The following METTL15 variants were observed in gnomAD, a reference collection of about 807,000 sequenced individuals.
METTL15 encodes the protein methyltransferase 15, mitochondrial 12S rRNA N4-cytidine, also known as 12S rRNA N(4)-cytidine methyltransferase METTL15.
METTL15 carries 34 observed loss-of-function variants against 38.3 expected under a neutral mutation model. That is an observed-to-expected ratio of 0.89 (90% CI 0.68 to 1.18). The LOEUF (loss-of-function observed/expected upper bound fraction) is 1.18. Ranked by LOEUF, METTL15 falls within the 50% of genes most tolerant of loss-of-function variation. The probability of loss-of-function intolerance (pLI) is 0.00; values close to 1 mark genes in which losing one functional copy is unlikely to be tolerated. For synonymous variants in METTL15, 162 were observed against 170.9 expected (o/e 0.95, Z 0.41); for missense variants, 438 against 498.4 (o/e 0.88, Z 1.15).
At chr11:28,211,017 T>A (rs1298070072) in intron 3 of METTL15, 45 bp from the exon 4 acceptor site, 2 of 1,565,452 alleles carry the variant, frequency 1.3e-6, no homozygotes, top group African/African-American at 1.4e-5. Flanking sequence ...CAAGAATAAG[T>A]TTTGTTTATG....
intron 6 of METTL15, among the ~76,000 whole-genome samples, chr11:28,457,357 T>C (rs1228416313): frequency 6.6e-6 from 1 of 152,160 alleles, no homozygotes; most frequent in African/African-American, 2.4e-5. Flanking sequence ...GTTGTTGTTT[T>C]AAAAAAATCC....
intron 4 of METTL15, among the ~76,000 whole-genome samples, chr11:28,353,767 T>C (rs1421731849): frequency 1.3e-5 from 2 of 149,818 alleles, no homozygotes; most frequent in East Asian, 2.0e-4. Flanking sequence ...CTACTAAAAA[T>C]ACAAAAAATT....
chr11:28,225,829 G>C (rs1209416472), intron 4 of METTL15, among the ~76,000 whole-genome samples: 1 of 151,530 alleles, frequency 6.6e-6, no homozygotes, highest in Non-Finnish European at 1.5e-5. Flanking sequence ...ATTATTTGTT[G>C]GTTAGATGTG....
intron 3 of METTL15, among the ~76,000 whole-genome samples, chr11:28,128,410 A>G (rs1852590841): frequency 6.6e-6 from 1 of 152,172 alleles, no homozygotes; most frequent in South Asian, 2.1e-4. Context: ...TGTATGAGAA[A>G]GACATTCGGG....
chr11:28,457,187 A>G (rs1463542185), intron 6 of METTL15, among the ~76,000 whole-genome samples: 1 of 152,248 alleles, frequency 6.6e-6, no homozygotes, highest in African/African-American at 2.4e-5. Flanking sequence ...TAAGCATAGA[A>G]GGAATTCATG....
chr11:28,218,390 A>T (rs907697976), intron 4 of METTL15, among the ~76,000 whole-genome samples: 23 of 152,070 alleles, frequency 1.5e-4, no homozygotes, highest in Non-Finnish European at 3.1e-4. Flanking sequence ...AATGCTTGTG[A>T]TTTTTGTACA....
At chr11:28,114,714 G>C (rs540539219) in intron 3 of METTL15, among the ~76,000 whole-genome samples, 1 of 152,318 alleles carries the variant, frequency 6.6e-6, no homozygotes, top group African/African-American at 2.4e-5. Flanking sequence ...GCCTCCGAAA[G>C]TGTTGGGATT....
At chr11:28,515,384 T>C (rs926686811) in intron 6 of METTL15, among the ~76,000 whole-genome samples, 8 of 152,216 alleles carry the variant, frequency 5.3e-5, no homozygotes, top group Non-Finnish European at 1.2e-4. Flanking sequence ...ATTTTCCTAT[T>C]ATATTCATGT....
intron 6 of METTL15, among the ~76,000 whole-genome samples, chr11:28,468,974 A>G (rs756373518): frequency 6.6e-5 from 10 of 152,202 alleles, no homozygotes; most frequent in Non-Finnish European, 1.2e-4. Flanking sequence ...TGTGCTTTGT[A>G]CACATAATGT....
chr11:28,445,485 TATTA>T (rs1166951679), intron 6 of METTL15, among the ~76,000 whole-genome samples: 7 of 152,140 alleles, frequency 4.6e-5, no homozygotes, highest in African/African-American at 1.4e-4. Context: ...ATTTTAATTT[TATTA>T]ATTGTTTCAA....
intron 4 of METTL15, among the ~76,000 whole-genome samples, chr11:28,259,926 A>T (rs181948673): frequency 1.2e-3 from 184 of 152,228 alleles, no homozygotes; most frequent in African/African-American, 4.4e-3. Flanking sequence ...CACTTCCCCA[A>T]CAAGTCCTTC....
intron 3 of METTL15, among the ~76,000 whole-genome samples, chr11:28,156,646 CAT>C (rs1402988518): frequency 3.9e-5 from 6 of 152,118 alleles, no homozygotes; most frequent in Admixed American, 1.3e-4. Flanking sequence ...GATAACCAAA[CAT>C]GTGTACAAGG....
At chr11:28,164,115 A>G (rs917787924) in intron 3 of METTL15, 1 of 152,234 alleles carries the variant, frequency 6.6e-6, no homozygotes, top group African/African-American at 2.4e-5. Context: ...ATTATTGCCA[A>G]AATAAAATCA....
rs754711089 is a variant in METTL15, at chr11:28,113,466, A to C, written c.132A>C (p.Glu44Asp). ...HTTAEKYREY[E>D]AREQTDQTQA... ...CAGCAGAAAAATATAGAGAATATGAAGCCCGGGAGCAAACAGATCAAACTC... is the reference window on the plus strand; with the variant it reads ...CAGCAGAAAAATATAGAGAATATGACGCCCGGGAGCAAACAGATCAAACTC... Residue 44 changes from glutamate to aspartate, a missense_variant, in exon 3 of 7, where the codon GAA becomes GAC. Physicochemically the swap from Glu to Asp is conservative, Grantham distance 45. Transcript: ENST00000407364. The C allele has an allele frequency of 6.2e-7, 1 of 1,612,242 alleles. No individual in the cohort carries two copies. Among genetic ancestry groups the C allele is most frequent in the South Asian group, 1.1e-5 (1 of 90,992 alleles).
At chr11:28,369,523 G>A (rs1850222341) in intron 5 of METTL15, among the ~76,000 whole-genome samples, 1 of 152,036 alleles carries the variant, frequency 6.6e-6, no homozygotes, top group Non-Finnish European at 1.5e-5. Flanking sequence ...CAAAGGCAAA[G>A]ACAATGAGAA....
chr11:28,218,433 G>A (rs1853012854), intron 4 of METTL15, among the ~76,000 whole-genome samples: 1 of 152,146 alleles, frequency 6.6e-6, no homozygotes, highest in African/African-American at 2.4e-5. Flanking sequence ...TGCTGAAGTT[G>A]CTTATCAGCT....
chr11:28,155,146 TTCTA>T (rs1343786899), intron 3 of METTL15, among the ~76,000 whole-genome samples: 1 of 152,126 alleles, frequency 6.6e-6, no homozygotes, highest in African/African-American at 2.4e-5. Context: ...CCCAGCTTCT[TTCTA>T]TCTCATTCCT....
chr11:28,451,019 G>T (rs1434917140), intron 6 of METTL15, among the ~76,000 whole-genome samples: 1 of 152,134 alleles, frequency 6.6e-6, no homozygotes, highest in Non-Finnish European at 1.5e-5. Flanking sequence ...GGGATTCCAG[G>T]TCAGCTATGT....
chr11:28,400,240 T>G (rs1187447885), intron 5 of METTL15, among the ~76,000 whole-genome samples: 1 of 151,974 alleles, frequency 6.6e-6, no homozygotes, highest in Non-Finnish European at 1.5e-5. Flanking sequence ...TCTCTTTTTT[T>G]TTTCACTGTG....
Sources: allele counts gnomAD v4.1 joint callset (sites outside exome capture counted in the v4.1 genomes callset), GRCh38; gene constraint gnomAD v4.1.1; transcripts MANE v1.5; gene names NCBI Gene and HGNC (gene_info 2026-07-23, HGNC 2026-07-21).